BRD4: variants seen among roughly 807,000 people sequenced by gnomAD.
BRD4 encodes the protein bromodomain-containing protein 4.
A neutral mutation model predicts 142.1 loss-of-function variants in BRD4; 16 were observed. That is an observed-to-expected ratio of 0.11 (90% CI 0.08 to 0.17). The LOEUF (loss-of-function observed/expected upper bound fraction) is 0.17. Ranked by LOEUF, BRD4 falls within the 10% of genes least tolerant of loss-of-function variation. BRD4 has a pLI of 1.00. For missense variants in BRD4, 1,424 were observed against 1,810.9 expected (o/e 0.79, Z 3.88); for synonymous variants, 833 against 707.5 (o/e 1.18, Z -2.82).
chr19:15,327,474 G>A (rs1433814783), intron 1 of BRD4, among the ~76,000 whole-genome samples: 4 of 152,138 alleles, frequency 2.6e-5, no homozygotes, highest in Non-Finnish European at 4.4e-5. Context: ...AACCCGGGGG[G>A]TGGAGGCTGC....
In BRD4 at chr19:15,255,425, C is replaced by T. The variant is rs2047397160; in HGVS notation, c.1919G>A (p.Arg640Gln). The change falls in exon 10 of 20, where the codon CGG (arginine) becomes CAG (glutamine). Residue 640 changes from arginine (R) to glutamine (Q), a missense_variant. Physicochemically the swap from Arg to Gln is conservative, Grantham distance 43. Transcript: ENST00000679869. ...GTTGGAATTCTTCAGGGAGGGCTCCCGTGACTGGATGATGTGCACCACGCG... is the reference window on the plus strand; with the variant it reads ...GTTGGAATTCTTCAGGGAGGGCTCCTGTGACTGGATGATGTGCACCACGCG... ...LGRVVHIIQS[R>Q]EPSLKNSNPD... is the part of the protein sequence containing the mutation. The T allele has an allele frequency of 6.2e-7, 1 of 1,614,084 alleles. No individual in the cohort carries two copies. The highest frequency in any genetic ancestry group is 8.5e-7 in the Non-Finnish European group (1 of 1,180,020).
chr19:15,305,023 C>CTT (rs34235278), intron 1 of BRD4, among the ~76,000 whole-genome samples: 26 of 126,420 alleles, frequency 2.1e-4, no homozygotes, highest in South Asian at 7.4e-4. Flanking sequence ...TTAAGACCAT[C>CTT]TTTTTTTTTT....
chr19:15,309,306 C>CTGCTGG, intron 1 of BRD4, among the ~76,000 whole-genome samples: 1 of 143,362 alleles, frequency 7.0e-6, no homozygotes, highest in Non-Finnish European at 1.5e-5. Flanking sequence ...CCACTGTACT[C>CTGCTGG]CAGCCTGGGC....
At chr19:15,323,494 G>A (rs2048082353) in intron 1 of BRD4, among the ~76,000 whole-genome samples, 1 of 152,126 alleles carries the variant, frequency 6.6e-6, no homozygotes, top group Admixed American at 6.6e-5. Flanking sequence ...AAATTTTCAA[G>A]TATGAAGTCC....
chr19:15,287,971 C>A (rs1280372174), intron 1 of BRD4, among the ~76,000 whole-genome samples: 1 of 151,966 alleles, frequency 6.6e-6, no homozygotes, highest in East Asian at 1.9e-4. Context: ...GTTTCACCAA[C>A]TTGGTCAGGC....
At chr19:15,281,759 T>C (rs2047706174) in intron 1 of BRD4, among the ~76,000 whole-genome samples, 1 of 152,210 alleles carries the variant, frequency 6.6e-6, no homozygotes, top group Non-Finnish European at 1.5e-5. Flanking sequence ...GGCTTACGTC[T>C]ATAATCTCAA....
intron 3 of BRD4, 104 bp downstream of exon 3, chr19:15,268,801 C>T: frequency 7.4e-7 from 1 of 1,345,352 alleles, no homozygotes; most frequent in Non-Finnish European, 1.0e-6. Context: ...ACTCCAAGCC[C>T]AGCCACACCC....
At chr19:15,313,495 G>A (rs2047991350) in intron 1 of BRD4, among the ~76,000 whole-genome samples, 1 of 150,674 alleles carries the variant, frequency 6.6e-6, no homozygotes, top group Admixed American at 6.6e-5. Flanking sequence ...CTGACATGGT[G>A]AAACCCTGTC....
intron 1 of BRD4, among the ~76,000 whole-genome samples, chr19:15,278,700 T>C (rs1477546764): frequency 6.6e-6 from 1 of 151,980 alleles, no homozygotes; most frequent in Non-Finnish European, 1.5e-5. Flanking sequence ...TGTTGGCTAC[T>C]TCCTCTGGCC....
chr19:15,301,939 G>A (rs1486017248), intron 1 of BRD4, among the ~76,000 whole-genome samples: 1 of 151,542 alleles, frequency 6.6e-6, no homozygotes, highest in African/African-American at 2.4e-5. Flanking sequence ...GGATGAGGCA[G>A]GAGTATCATT....
chr19:15,261,939 C>T (rs780940624), intron 7 of BRD4, among the ~76,000 whole-genome samples: 46 of 152,142 alleles, frequency 3.0e-4, no homozygotes, highest in Non-Finnish European at 5.3e-4. Context: ...CAAGCCTGAG[C>T]ATGCATTTAA....
intron 1 of BRD4, among the ~76,000 whole-genome samples, chr19:15,277,084 A>G (rs905039381): frequency 2.0e-5 from 3 of 152,208 alleles, no homozygotes; most frequent in Non-Finnish European, 4.4e-5. Context: ...AAAAGATTAA[A>G]AACTGCTGCT....
chr19:15,256,877 A>C (rs2047414928), intron 8 of BRD4, 87 bp downstream of exon 8: 1 of 1,260,316 alleles, frequency 7.9e-7, no homozygotes, highest in Non-Finnish European at 1.1e-6. Context: ...GGAACTCAGA[A>C]CCAAGAACAT....
intron 1 of BRD4, among the ~76,000 whole-genome samples, chr19:15,307,550 G>T (rs1443531137): frequency 6.6e-6 from 1 of 152,120 alleles, no homozygotes; most frequent in Admixed American, 6.6e-5. Flanking sequence ...CACATCAGAG[G>T]TACAGAGATC....
At chr19:15,327,994 G>A (rs2048124549) in intron 1 of BRD4, among the ~76,000 whole-genome samples, 1 of 145,802 alleles carries the variant, frequency 6.9e-6, no homozygotes, top group Non-Finnish European at 1.5e-5. Context: ...TTTAAAAACT[G>A]ATGATTGTAT....
chr19:15,319,317 T>G (rs1218447921), intron 1 of BRD4, among the ~76,000 whole-genome samples: 1 of 151,978 alleles, frequency 6.6e-6, no homozygotes, highest in Non-Finnish European at 1.5e-5. Context: ...TACAAAAAAT[T>G]AGCTGGGCAT....
At position 15,238,466 on chromosome 19, in the gene BRD4, G is replaced by T. The variant is rs199524813; in HGVS notation, c.4021-21C>A. On this transcript the variant is annotated intron_variant, in intron 19 of 19. Transcript: ENST00000679869. This position sits in a 1 kb window ranked among gnomAD's most constrained non-coding sequence, Gnocchi z 7.2. Reference sequence around the variant, plus strand: ...GCCATCTGGAGGAGAAAGGAAGGAGGGAGTCAGGAGGATGACCTAGCCACC... The same window carrying T: ...GCCATCTGGAGGAGAAAGGAAGGAGTGAGTCAGGAGGATGACCTAGCCACC... The T allele has an allele frequency of 1.0e-4, 161 of 1,613,844 alleles. 1 individual carries two copies. In the South Asian group the frequency reaches 1.5e-3, roughly 15 times the overall value.
At chr19:15,326,714 T>G (rs1450225808) in intron 1 of BRD4, among the ~76,000 whole-genome samples, 2 of 152,192 alleles carry the variant, frequency 1.3e-5, no homozygotes, top group Non-Finnish European at 2.9e-5. Context: ...ACAACCAATG[T>G]TATTCCTCTT....
At chr19:15,290,989 G>A (rs1429819147) in intron 1 of BRD4, among the ~76,000 whole-genome samples, 1 of 152,204 alleles carries the variant, frequency 6.6e-6, no homozygotes, top group Non-Finnish European at 1.5e-5. Context: ...ACTGGTCCCA[G>A]ATGGAAAGAA....
Sources: allele counts gnomAD v4.1 joint callset (sites outside exome capture counted in the v4.1 genomes callset), GRCh38; gene constraint gnomAD v4.1.1; non-coding constraint Gnocchi (gnomAD v3.1); transcripts MANE v1.5; gene names NCBI Gene and HGNC (gene_info 2026-07-23, HGNC 2026-07-21).